The following KCNJ3 variants were observed in gnomAD, a reference collection of about 807,000 sequenced individuals.
KCNJ3 encodes potassium inwardly rectifying channel subfamily J member 3.
KCNJ3 carries 4 observed loss-of-function variants against 39.2 expected under a neutral mutation model. The ratio of observed to expected loss-of-function variants is 0.10; its 90% CI spans 0.05 to 0.23. The LOEUF (loss-of-function observed/expected upper bound fraction) is 0.23. Ranked by LOEUF, KCNJ3 falls within the 10% of genes least tolerant of loss-of-function variation. KCNJ3 has a pLI of 1.00. For synonymous variants in KCNJ3, 230 were observed against 237.4 expected, an observed-to-expected ratio of 0.97 and a Z score of 0.29; for missense variants, 276 against 634.9, an observed-to-expected ratio of 0.43 and a Z score of 6.08.
At chr2:154,743,494 GTTTA>G (rs2105176414) in intron 2 of KCNJ3, among the ~76,000 whole-genome samples, 1 of 151,480 alleles carries the variant, frequency 6.6e-6, no homozygotes, top group South Asian at 2.1e-4. Context: ...ATGTCTTTCT[GTTTA>G]TTTATATCTT....
At chr2:154,848,941 G>A (rs1286922566) in intron 2 of KCNJ3, among the ~76,000 whole-genome samples, 5 of 152,154 alleles carry the variant, frequency 3.3e-5, no homozygotes, top group Non-Finnish European at 7.3e-5. Context: ...CAGACTTGAT[G>A]CTTTTGTAAC....
intron 2 of KCNJ3, among the ~76,000 whole-genome samples, chr2:154,757,529 A>C (rs911636184): frequency 6.6e-6 from 1 of 151,988 alleles, no homozygotes. Context: ...TTTTTTCTCC[A>C]CGAGATCTTA....
chr2:154,833,542 T>A (rs1185468472), intron 2 of KCNJ3, among the ~76,000 whole-genome samples: 1 of 152,156 alleles, frequency 6.6e-6, no homozygotes, highest in Non-Finnish European at 1.5e-5. Context: ...CACTGACACA[T>A]CATTATTCAG....
At chr2:154,702,781 T>C (rs1237594513) in intron 1 of KCNJ3, among the ~76,000 whole-genome samples, 1 of 152,010 alleles carries the variant, frequency 6.6e-6, no homozygotes, top group Non-Finnish European at 1.5e-5. Flanking sequence ...ATTATAAATA[T>C]AGCTATAGAC....
At chr2:154,746,589 T>A (rs947856535) in intron 2 of KCNJ3, among the ~76,000 whole-genome samples, 2 of 149,152 alleles carry the variant, frequency 1.3e-5, no homozygotes, top group African/African-American at 4.9e-5. Flanking sequence ...GTCAACTGTA[T>A]GTGTGTGTGC....
intron 2 of KCNJ3, among the ~76,000 whole-genome samples, chr2:154,778,968 G>A (rs1325926017): frequency 6.6e-6 from 1 of 152,064 alleles, no homozygotes; most frequent in Non-Finnish European, 1.5e-5. Flanking sequence ...GTGAAATAGA[G>A]ATAATAATAT....
chr2:154,771,074 A>G (rs1686234233), intron 2 of KCNJ3, among the ~76,000 whole-genome samples: 1 of 151,792 alleles, frequency 6.6e-6, no homozygotes, highest in South Asian at 2.1e-4. Flanking sequence ...TATTTTTCAT[A>G]AAGAAGAGGT....
chr2:154,699,700 C>T lies in KCNJ3; in HGVS notation c.702+223C>T. On this transcript the variant is annotated intron_variant, in intron 1 of 2. Transcript: ENST00000295101. This position sits in a 1 kb window ranked among gnomAD's most constrained non-coding sequence, Gnocchi z 6.4. ...GTGCTCTTGTTTATATTCGTCATTT[C>T]GGATCTGCTTGTATCACTTACTGGA... The T allele has an allele frequency of 4.3e-6, 1 of 234,734 alleles. No homozygotes were observed. Among genetic ancestry groups the T allele is most frequent in the Non-Finnish European group, 7.0e-6 (1 of 143,570 alleles). The allele number at this position is 234,734 out of a possible 1,614,324, so 14.5% of individuals were successfully genotyped here. A position where few individuals can be genotyped will look rare whatever the true frequency, so the allele number is the denominator to read the frequency against.
At position 154,857,181 on chromosome 2, in the gene KCNJ3, C is replaced by T. The variant is rs1181467218; in HGVS notation, c.*1868C>T. On this transcript the variant is annotated 3_prime_UTR_variant, in exon 3 of 3. Transcript: ENST00000295101. The stretch of plus-strand genomic sequence containing the variant: ...CAAATTGCCCTATACCCATTGATAA[C>T]CTAGCTTTCTTAGTTTGTAGATGTA... 3 of 152,014 alleles carry T rather than the reference C, an allele frequency of 2.0e-5. No homozygotes were observed. The highest frequency in any genetic ancestry group is 7.2e-5 in the African/African-American group (3 of 41,380). 9.4% of individuals were successfully genotyped at this position (152,014 alleles called of 1,614,324 possible).
intron 2 of KCNJ3, among the ~76,000 whole-genome samples, chr2:154,846,098 T>C (rs957793165): frequency 4.6e-5 from 7 of 152,278 alleles, no homozygotes; most frequent in Non-Finnish European, 7.4e-5. Context: ...TTTGAGAAAG[T>C]AGTTACTACA....
chr2:154,712,762 C>T (rs890814960), intron 2 of KCNJ3, among the ~76,000 whole-genome samples: 8 of 152,004 alleles, frequency 5.3e-5, no homozygotes, highest in African/African-American at 1.5e-4. Flanking sequence ...GCCTGGGCGA[C>T]GCAGTGAGAC....
intron 1 of KCNJ3, among the ~76,000 whole-genome samples, chr2:154,705,672 C>T (rs935502349): frequency 6.6e-6 from 1 of 152,062 alleles, no homozygotes; most frequent in Admixed American, 6.6e-5. Flanking sequence ...TAAATGACAT[C>T]TGTATTATAA....
chr2:154,702,537 C>T (rs1262101607), intron 1 of KCNJ3, among the ~76,000 whole-genome samples: 1 of 151,772 alleles, frequency 6.6e-6, no homozygotes, highest in Non-Finnish European at 1.5e-5. Context: ...TTTTGTAAAA[C>T]TTATTTGCCT....
intron 2 of KCNJ3, among the ~76,000 whole-genome samples, chr2:154,784,284 G>A (rs1232035321): frequency 1.3e-5 from 2 of 152,196 alleles, no homozygotes; most frequent in African/African-American, 4.8e-5. Context: ...TTTGCGTTTT[G>A]TAAAAGAGAA....
chr2:154,827,358 TC>T (rs1362677612), intron 2 of KCNJ3, among the ~76,000 whole-genome samples: 1 of 152,188 alleles, frequency 6.6e-6, no homozygotes, highest in East Asian at 1.9e-4. Flanking sequence ...AACCTCTCAT[TC>T]CTTTTCACTT....
chr2:154,757,400 A>C (rs902662671), intron 2 of KCNJ3, among the ~76,000 whole-genome samples: 1 of 152,162 alleles, frequency 6.6e-6, no homozygotes, highest in African/African-American at 2.4e-5. Flanking sequence ...GAGTATCAAA[A>C]GGAGGAATAG....
At chr2:154,825,942 C>G (rs979857855) in intron 2 of KCNJ3, among the ~76,000 whole-genome samples, 1 of 151,216 alleles carries the variant, frequency 6.6e-6, no homozygotes, top group Non-Finnish European at 1.5e-5. Flanking sequence ...CAATCACATT[C>G]CACCCAGGAT....
chr2:154,774,207 C>T (rs947863263), intron 2 of KCNJ3, among the ~76,000 whole-genome samples: 14 of 152,122 alleles, frequency 9.2e-5, no homozygotes, highest in Non-Finnish European at 1.9e-4. Flanking sequence ...AATGAAACAA[C>T]TCACTGGTCC....
intron 2 of KCNJ3, among the ~76,000 whole-genome samples, chr2:154,760,587 T>C (rs1265666274): frequency 6.6e-6 from 1 of 151,984 alleles, no homozygotes; most frequent in South Asian, 2.1e-4. Flanking sequence ...GGAATCTCAT[T>C]CTGCCACCCA....
Sources: allele counts gnomAD v4.1 joint callset (sites outside exome capture counted in the v4.1 genomes callset), GRCh38; gene constraint gnomAD v4.1.1; non-coding constraint Gnocchi (gnomAD v3.1); transcripts MANE v1.5; gene names NCBI Gene and HGNC (gene_info 2026-07-23, HGNC 2026-07-21).